Variants in COMMD1 observed in about 807,000 individuals in gnomAD.
The protein encoded by COMMD1 is copper metabolism domain containing 1.
Under a neutral mutation model 17.2 loss-of-function variants are expected in COMMD1, and 10 were observed. The observed-to-expected ratio is 0.58, with a 90% CI of 0.36 to 0.99. COMMD1 has a LOEUF of 0.99. Among genes scored for constraint, COMMD1 ranks in the 50% least tolerant of loss-of-function variants. The probability of loss-of-function intolerance (pLI) is 0.01; values close to 1 mark genes in which losing one functional copy is unlikely to be tolerated. For synonymous variants in COMMD1, 97 were observed against 91.6 expected (o/e 1.06, Z -0.34); for missense variants, 270 against 231.8 (o/e 1.17, Z -1.07).
At chr2:62,052,227 G>A (rs1670556787) in intron 2 of COMMD1, among the ~76,000 whole-genome samples, 1 of 152,130 alleles carries the variant, frequency 6.6e-6, no homozygotes, top group Non-Finnish European at 1.5e-5. Context: ...GACACTGGTG[G>A]ATTGCTTGAC....
intron 2 of COMMD1, among the ~76,000 whole-genome samples, chr2:62,072,863 G>A (rs911484946): frequency 1.3e-5 from 2 of 152,234 alleles, no homozygotes; most frequent in African/African-American, 4.8e-5. Context: ...CACAGCAGCC[G>A]GTGTGCCTGG....
intron 1 of COMMD1, among the ~76,000 whole-genome samples, chr2:61,952,705 G>A (rs1319026830): frequency 6.6e-6 from 1 of 152,130 alleles, no homozygotes; most frequent in Non-Finnish European, 1.5e-5. Context: ...TGTGTTGCTG[G>A]CCATGTATTA....
chr2:62,039,678 TG>T (rs1454184965), intron 2 of COMMD1, among the ~76,000 whole-genome samples: 3 of 152,214 alleles, frequency 2.0e-5, no homozygotes, highest in Non-Finnish European at 4.4e-5. Flanking sequence ...CATATATATC[TG>T]CTTGTGGAGT....
intron 2 of COMMD1, among the ~76,000 whole-genome samples, chr2:62,007,994 C>T (rs1044095191): frequency 1.3e-5 from 2 of 152,052 alleles, no homozygotes; most frequent in South Asian, 2.1e-4. Context: ...CCAGCTTGAT[C>T]AACATGGCGA....
intron 1 of COMMD1, among the ~76,000 whole-genome samples, chr2:61,910,740 C>T (rs183544562): frequency 5.0e-4 from 76 of 152,234 alleles, no homozygotes; most frequent in Non-Finnish European, 9.7e-4. Context: ...AGTCTGTATT[C>T]ACTACTGCCC....
chr2:61,969,122 C>T (rs1671581533), intron 1 of COMMD1: 1 of 337,216 alleles, frequency 3.0e-6, no homozygotes, highest in South Asian at 2.2e-5. Context: ...CCACATCTGG[C>T]TTTTATATGT....
intron 2 of COMMD1, among the ~76,000 whole-genome samples, chr2:62,085,167 C>A (rs1671623238): frequency 6.6e-6 from 1 of 152,034 alleles, no homozygotes; most frequent in Admixed American, 6.6e-5. Flanking sequence ...ATCTTTCTAA[C>A]TCTCTTAAGT....
intron 2 of COMMD1, among the ~76,000 whole-genome samples, chr2:62,107,586 C>T (rs1284680084): frequency 6.6e-6 from 1 of 152,160 alleles, no homozygotes; most frequent in African/African-American, 2.4e-5. Context: ...CCAAACTGTC[C>T]AGTAGCCTTT....
At chr2:62,024,959 G>C (rs991693878) in intron 2 of COMMD1, among the ~76,000 whole-genome samples, 2 of 152,162 alleles carry the variant, frequency 1.3e-5, no homozygotes, top group African/African-American at 2.4e-5. Flanking sequence ...AGGCGAGGTG[G>C]CTCACGCCTG....
Position 62,135,909 on chromosome 2 carries a change from A to C in COMMD1, c.541A>C (p.Ser181Arg). 1 of 1,601,782 alleles carries C rather than the reference A, an allele frequency of 6.2e-7. No homozygotes were observed. The highest frequency in any genetic ancestry group is 8.6e-7 in the Non-Finnish European group (1 of 1,168,692). ...GAAGACGCTGTCAGAGGTAGAAGAA[A>C]GTATCAGCACACTGATCAGCCAGCC... The part of the protein sequence containing the change: ...ILKTLSEVEE[S>R]ISTLISQPN Residue 181 changes from serine to arginine, a missense_variant, in exon 3 of 3, where the codon AGT (serine) becomes CGT (arginine). Physicochemically the swap from Ser to Arg is moderately radical, Grantham distance 110. Coordinates refer to ENST00000311832, the MANE Select transcript of COMMD1 (RefSeq NM_152516.4).
intron 1 of COMMD1, among the ~76,000 whole-genome samples, chr2:61,992,773 C>A (rs1458969853): frequency 1.3e-5 from 2 of 152,142 alleles, no homozygotes; most frequent in African/African-American, 4.8e-5. Flanking sequence ...GGTTGAGAAC[C>A]ACTGTTTTGG....
intron 2 of COMMD1, among the ~76,000 whole-genome samples, chr2:62,122,366 C>T (rs1018602123): frequency 6.6e-6 from 1 of 151,880 alleles, no homozygotes; most frequent in African/African-American, 2.4e-5. Flanking sequence ...CAGGGGTTAG[C>T]CAGTGATAGG....
At chr2:62,129,670 A>G (rs1417229725) in intron 2 of COMMD1, among the ~76,000 whole-genome samples, 1 of 152,230 alleles carries the variant, frequency 6.6e-6, no homozygotes, top group Non-Finnish European at 1.5e-5. Flanking sequence ...TTGCCCTTCA[A>G]GGAGCCATTG....
intron 1 of COMMD1, among the ~76,000 whole-genome samples, chr2:61,933,818 C>T (rs1670532865): frequency 6.7e-6 from 1 of 149,136 alleles, no homozygotes. Flanking sequence ...GGCTGGAGTG[C>T]AATGGTGTGA....
At chr2:61,992,636 G>A (rs906599053) in intron 1 of COMMD1, among the ~76,000 whole-genome samples, 39 of 152,182 alleles carry the variant, frequency 2.6e-4, no homozygotes, top group Admixed American at 2.5e-3. Flanking sequence ...CGTTTCTTGG[G>A]TATTGAAGGA....
chr2:62,114,376 G>A (rs1157575698), intron 2 of COMMD1, among the ~76,000 whole-genome samples: 1 of 152,168 alleles, frequency 6.6e-6, no homozygotes, highest in African/African-American at 2.4e-5. Context: ...GAAATGTTCT[G>A]CATACTACCT....
intron 1 of COMMD1, among the ~76,000 whole-genome samples, chr2:61,936,487 G>C (rs1670610693): frequency 6.6e-6 from 1 of 152,168 alleles, no homozygotes; most frequent in African/African-American, 2.4e-5. Flanking sequence ...AGGAAATTTG[G>C]TCATTTCTGT....
intron 1 of COMMD1, among the ~76,000 whole-genome samples, chr2:61,900,205 G>A (rs1341699193): frequency 6.6e-6 from 1 of 152,206 alleles, no homozygotes; most frequent in Non-Finnish European, 1.5e-5. Flanking sequence ...ATTTCAGGGA[G>A]GCAGGAGTTA....
chr2:62,079,179 G>A lies in COMMD1; in HGVS notation c.463-56652G>A, dbSNP rs1041922426. ...AGAAAGAATTCAGGGTGAGTCCACAGCGCAAAGTAAAAGCAGGTTTATTAA... is the reference window on the plus strand; with the variant it reads ...AGAAAGAATTCAGGGTGAGTCCACAACGCAAAGTAAAAGCAGGTTTATTAA... On this transcript the variant is annotated intron_variant, in intron 2 of 2. Coordinates refer to ENST00000311832, the MANE Select transcript of COMMD1 (RefSeq NM_152516.4). 2.6e-5 allele frequency among the ~76,000 whole-genome samples: 4 copies of A among 152,122 alleles called. No individual in the cohort carries two copies. In the South Asian group the frequency reaches 8.3e-4, roughly 32 times the overall value.
Sources: gnomAD v4.1 joint callset for allele counts (sites outside exome capture counted in the v4.1 genomes callset) on GRCh38, gnomAD v4.1.1 for gene constraint, MANE v1.5 for transcripts, NCBI Gene and HGNC (gene_info 2026-07-23, HGNC 2026-07-21) for gene names.